FYB1: variants seen among roughly 807,000 people sequenced by gnomAD.
The protein encoded by FYB1 is FYN binding protein 1, also known as FYN-binding protein 1.
In FYB1, 41 loss-of-function variants were observed where a neutral mutation model predicts 94.1. The observed-to-expected ratio is 0.44, with a 90% CI of 0.34 to 0.57. FYB1 has a LOEUF of 0.57. Ranked by LOEUF, FYB1 falls within the 20% of genes least tolerant of loss-of-function variation. FYB1 has a pLI of 0.02. For missense variants in FYB1, 1,050 were observed against 976.8 expected, an observed-to-expected ratio of 1.07 and a Z score of -1.00; for synonymous variants, 367 against 353.2, an observed-to-expected ratio of 1.04 and a Z score of -0.44.
At chr5:39,196,505 G>A (rs879471941) in intron 2 of FYB1, among the ~76,000 whole-genome samples, 17 of 152,144 alleles carry the variant, frequency 1.1e-4, no homozygotes, top group Admixed American at 2.0e-4. Context: ...TGGTTAAATA[G>A]AATTCTGTGA....
chr5:39,242,232 T>C (rs1751243645), intron 1 of FYB1, among the ~76,000 whole-genome samples: 1 of 152,060 alleles, frequency 6.6e-6, no homozygotes, highest in African/African-American at 2.4e-5. Flanking sequence ...GTTGGTGTGC[T>C]GCACCTATTA....
At chr5:39,157,404 G>A (rs141776841) in intron 2 of FYB1, among the ~76,000 whole-genome samples, 280 of 152,138 alleles carry the variant, frequency 1.8e-3, no homozygotes, top group Non-Finnish European at 3.2e-3. Flanking sequence ...CTCACATATC[G>A]GGGTGTTCTT....
intron 2 of FYB1, among the ~76,000 whole-genome samples, chr5:39,197,558 G>A (rs1366475154): frequency 6.6e-6 from 1 of 152,214 alleles, no homozygotes; most frequent in Non-Finnish European, 1.5e-5. Flanking sequence ...AAATCCATTG[G>A]CCACATTTAT....
In FYB1 at chr5:39,134,958, T is replaced by C. The variant is rs773122669; in HGVS notation, c.1572A>G (p.Gly524=). ...GCTTGAAGCTCAGTTCATTCTTTCC[T>C]CCTTTGACATCACAACAAGCTTTTG... ...HLAKACCDVK[G]GKNELSFKQG... Residue 524 remains glycine (G), a synonymous_variant, in exon 8 of 19, where the codon GGA becomes GGG. Transcript: ENST00000512982. 12 of 1,613,812 alleles carry C rather than the reference T, an allele frequency of 7.4e-6. No homozygotes were observed. The highest frequency in any genetic ancestry group is 3.3e-5 in the Admixed American group (2 of 60,002).
intron 3 of FYB1, among the ~76,000 whole-genome samples, chr5:39,149,600 C>T (rs1743066877): frequency 6.6e-6 from 1 of 152,038 alleles, no homozygotes; most frequent in South Asian, 2.1e-4. Flanking sequence ...TTTGCTCTGT[C>T]CAATTCCTCT....
At chr5:39,263,184 T>A (rs570086078) in intron 1 of FYB1, among the ~76,000 whole-genome samples, 2 of 151,812 alleles carry the variant, frequency 1.3e-5, no homozygotes, top group Non-Finnish European at 3.0e-5. Context: ...AGTTGCCGAA[T>A]CAAGAACTGG....
At chr5:39,167,195 G>A (rs182902151) in intron 2 of FYB1, among the ~76,000 whole-genome samples, 1 of 152,284 alleles carries the variant, frequency 6.6e-6, no homozygotes, top group East Asian at 1.9e-4. Flanking sequence ...GAGAGAGCGA[G>A]CGTTTTGAAA....
At chr5:39,231,081 A>G (rs925699147) in intron 1 of FYB1, among the ~76,000 whole-genome samples, 1 of 148,894 alleles carries the variant, frequency 6.7e-6, no homozygotes, top group South Asian at 2.2e-4. Flanking sequence ...AGGAAGAGCT[A>G]TTAATCAAGA....
At chr5:39,217,123 T>C (rs1034640751) in intron 1 of FYB1, among the ~76,000 whole-genome samples, 3 of 152,146 alleles carry the variant, frequency 2.0e-5, no homozygotes, top group African/African-American at 7.2e-5. Context: ...TAGAGAGCAT[T>C]CCAACAATCA....
intron 10 of FYB1, among the ~76,000 whole-genome samples, 175 bp from the exon 11 acceptor site, chr5:39,127,982 G>A (rs758047051): frequency 5.4e-4 from 82 of 152,228 alleles, no homozygotes; most frequent in Non-Finnish European, 9.9e-4. Context: ...TCTTAGGGGT[G>A]AAATTACAAT....
chr5:39,181,042 G>T (rs1483480900), intron 2 of FYB1, among the ~76,000 whole-genome samples: 1 of 152,136 alleles, frequency 6.6e-6, no homozygotes, highest in Non-Finnish European at 1.5e-5. Flanking sequence ...GTTTTGCTGG[G>T]CATACAGGGA....
At chr5:39,206,056 T>A (rs1039168871) in intron 1 of FYB1, among the ~76,000 whole-genome samples, 1 of 152,238 alleles carries the variant, frequency 6.6e-6, no homozygotes, top group Non-Finnish European at 1.5e-5. Flanking sequence ...ATTAATGTTA[T>A]GTCCGAATTT....
At chr5:39,257,758 T>C (rs191429843) in intron 1 of FYB1, among the ~76,000 whole-genome samples, 5 of 150,670 alleles carry the variant, frequency 3.3e-5, no homozygotes, top group Admixed American at 3.3e-4. Context: ...AAACAGTAAA[T>C]GAATAACTAA....
At chr5:39,165,332 G>A (rs574205493) in intron 2 of FYB1, among the ~76,000 whole-genome samples, 60 of 152,198 alleles carry the variant, frequency 3.9e-4, no homozygotes, top group African/African-American at 1.4e-3. Flanking sequence ...CAGAAAGAAA[G>A]CCACATACCC....
At chr5:39,203,532 G>T (rs1748570065) in intron 1 of FYB1, among the ~76,000 whole-genome samples, 1 of 152,014 alleles carries the variant, frequency 6.6e-6, no homozygotes, top group African/African-American at 2.4e-5. Context: ...AGTTCTGTTT[G>T]TTAACAGGGA....
chr5:39,194,612 C>T (rs546802371), intron 2 of FYB1, among the ~76,000 whole-genome samples: 10 of 152,226 alleles, frequency 6.6e-5, no homozygotes, highest in East Asian at 3.9e-4. Context: ...AAAAGACCAA[C>T]GGATGCTGCT....
chr5:39,215,475 C>G (rs1292224378), intron 1 of FYB1, among the ~76,000 whole-genome samples: 2 of 152,074 alleles, frequency 1.3e-5, no homozygotes, highest in Admixed American at 6.5e-5. Context: ...TTTTTTAAAG[C>G]AGCACTTGCT....
chr5:39,186,438 C>T (rs1188626968), intron 2 of FYB1, among the ~76,000 whole-genome samples: 1 of 151,642 alleles, frequency 6.6e-6, no homozygotes, highest in Non-Finnish European at 1.5e-5. Flanking sequence ...CAAAACAAAA[C>T]AAAAAAGGCA....
chr5:39,228,622 T>C (rs1041506481), intron 1 of FYB1, among the ~76,000 whole-genome samples: 1 of 152,226 alleles, frequency 6.6e-6, no homozygotes, highest in Non-Finnish European at 1.5e-5. Flanking sequence ...TTAGGAATCA[T>C]TGATTTTAAT....
Sources: gnomAD v4.1 joint callset for allele counts (sites outside exome capture counted in the v4.1 genomes callset) on GRCh38, gnomAD v4.1.1 for gene constraint, MANE v1.5 for transcripts, NCBI Gene and HGNC (gene_info 2026-07-23, HGNC 2026-07-21) for gene names.